The following FRS2 variants were observed in gnomAD, a reference collection of about 807,000 sequenced individuals.
The protein encoded by FRS2 is fibroblast growth factor receptor substrate 2.
In FRS2, 8 loss-of-function variants were observed where a neutral mutation model predicts 43.9. That is an observed-to-expected ratio of 0.18 (90% CI 0.11 to 0.33). The LOEUF (loss-of-function observed/expected upper bound fraction) is 0.33. FRS2 is among the 10% of genes least tolerant of loss of function. FRS2 has a pLI of 1.00. For synonymous variants in FRS2, 219 were observed against 220.3 expected (o/e 0.99, Z 0.05); for missense variants, 534 against 627.6 (o/e 0.85, Z 1.59).
In FRS2 at chr12:69,575,802, G is replaced by GT. The variant is rs200103820; in HGVS notation, c.*854dup. 1,100 of 152,620 alleles carry GT rather than the reference G, an allele frequency of 7.2e-3. 2 individuals carry two copies. Among genetic ancestry groups the GT allele is most frequent in the Middle Eastern group, 0.017 (5 of 294 alleles). 9.5% of individuals were successfully genotyped at this position (152,620 alleles called of 1,614,324 possible). ...GCCATTAGGTTTCCATTTATCTTCAGTTTTTTTCTTTGGTGTTTGGGATGT... is the reference window on the plus strand; with the variant it reads ...GCCATTAGGTTTCCATTTATCTTCAGTTTTTTTTCTTTGGTGTTTGGGATGT... On this transcript the variant is annotated 3_prime_UTR_variant, in exon 9 of 9. Transcript: ENST00000549921.
intron 3 of FRS2, chr12:69,557,880 C>T (rs545597200): frequency 6.6e-6 from 1 of 152,192 alleles, no homozygotes; most frequent in South Asian, 2.1e-4. Context: ...TTTGTATCAT[C>T]TTCCATTTTA....
chr12:69,573,966 T>G (rs754764830), intron 8 of FRS2, 39 bp from the exon 9 acceptor site: 20 of 1,408,462 alleles, frequency 1.4e-5, no homozygotes, highest in Non-Finnish European at 1.9e-5. Flanking sequence ...TTTTGTTTTT[T>G]TAAGTAAGTT....
At chr12:69,483,176 A>G (rs975592282) in intron 1 of FRS2, among the ~76,000 whole-genome samples, 1 of 152,184 alleles carries the variant, frequency 6.6e-6, no homozygotes, top group Non-Finnish European at 1.5e-5. Context: ...ATGAGACAAC[A>G]TACGGTATAC....
At chr12:69,507,031 C>G (rs1255880243) in intron 1 of FRS2, among the ~76,000 whole-genome samples, 1 of 152,202 alleles carries the variant, frequency 6.6e-6, no homozygotes, top group African/African-American at 2.4e-5. Context: ...CAGAGAGACC[C>G]CACCAGCCAA....
chr12:69,508,024 C>CAAAAAAAAAAAAAAAAAAAAAAAAAAA (rs11365179), intron 1 of FRS2, among the ~76,000 whole-genome samples: 1 of 47,582 alleles, frequency 2.1e-5, no homozygotes, highest in African/African-American at 7.3e-5. Context: ...AACCCCGTCT[C>CAAAAAAAAAAAAAAAAAAAAAAAAAAA]AAAAAAAAAA....
chr12:69,481,995 GTT>G (rs56727110), intron 1 of FRS2, among the ~76,000 whole-genome samples: 2 of 138,390 alleles, frequency 1.4e-5, no homozygotes, highest in African/African-American at 5.3e-5. Flanking sequence ...GTGTTTTATG[GTT>G]TTTTTTTTTT....
intron 1 of FRS2, among the ~76,000 whole-genome samples, chr12:69,518,906 T>A (rs1468241772): frequency 6.8e-6 from 1 of 147,528 alleles, no homozygotes; most frequent in Non-Finnish European, 1.5e-5. Context: ...CCCAGCTACT[T>A]GGGAGGCTGA....
chr12:69,517,744 T>C (rs900968786), intron 1 of FRS2, among the ~76,000 whole-genome samples: 3 of 152,206 alleles, frequency 2.0e-5, no homozygotes, highest in Non-Finnish European at 4.4e-5. Context: ...GTTATACATG[T>C]ATTAAGCTAA....
At chr12:69,522,897 C>T (rs1875830860) in intron 1 of FRS2, among the ~76,000 whole-genome samples, 2 of 152,110 alleles carry the variant, frequency 1.3e-5, no homozygotes, top group Non-Finnish European at 2.9e-5. Flanking sequence ...AGGTTTTGAG[C>T]AATTTTCTTA....
intron 1 of FRS2, among the ~76,000 whole-genome samples, chr12:69,522,969 T>C (rs1175920920): frequency 6.6e-6 from 1 of 152,248 alleles, no homozygotes; most frequent in East Asian, 1.9e-4. Flanking sequence ...ATTTTGGTTC[T>C]TTTGCATTTG....
intron 1 of FRS2, among the ~76,000 whole-genome samples, chr12:69,511,155 G>C (rs1179936143): frequency 6.6e-6 from 1 of 152,096 alleles, no homozygotes; most frequent in Non-Finnish European, 1.5e-5. Context: ...CAGTAAATTT[G>C]ATATTTGGCA....
intron 1 of FRS2, among the ~76,000 whole-genome samples, chr12:69,490,155 T>G (rs901336358): frequency 6.6e-6 from 1 of 152,140 alleles, no homozygotes; most frequent in Non-Finnish European, 1.5e-5. Context: ...AGAATATGCT[T>G]TCTTGTTTTA....
intron 1 of FRS2, among the ~76,000 whole-genome samples, chr12:69,483,161 T>C (rs188172422): frequency 1.3e-5 from 2 of 152,318 alleles, no homozygotes; most frequent in Non-Finnish European, 2.9e-5. Context: ...AATACATTAC[T>C]GTTAATGAGA....
intron 1 of FRS2, among the ~76,000 whole-genome samples, chr12:69,471,038 A>C (rs187256255): frequency 1.3e-5 from 2 of 152,064 alleles, no homozygotes; most frequent in African/African-American, 4.8e-5. Context: ...GATCTTTTGC[A>C]GGGCTTTTCA....
chr12:69,526,730 T>C (rs1565747931), intron 1 of FRS2, among the ~76,000 whole-genome samples: 2 of 151,608 alleles, frequency 1.3e-5, no homozygotes, highest in Non-Finnish European at 2.9e-5. Context: ...GTAGAAACTT[T>C]TTTTTTTTTT....
At chr12:69,572,317 T>A (rs750408379) in intron 8 of FRS2, 36 bp downstream of exon 8, 2 of 1,532,652 alleles carry the variant, frequency 1.3e-6, no homozygotes, top group South Asian at 1.1e-5. Context: ...CAATAATGAT[T>A]GTTCAGAGTT....
intron 1 of FRS2, among the ~76,000 whole-genome samples, chr12:69,493,172 G>T (rs1872609888): frequency 6.6e-6 from 1 of 152,050 alleles, no homozygotes; most frequent in Non-Finnish European, 1.5e-5. Context: ...TAAAATTGTT[G>T]GTTTAAAAAT....
chr12:69,500,412 G>T (rs1873338180), intron 1 of FRS2, among the ~76,000 whole-genome samples: 1 of 152,132 alleles, frequency 6.6e-6, no homozygotes, highest in African/African-American at 2.4e-5. Flanking sequence ...ATTGGCAGTG[G>T]GAATAGAGAG....
chr12:69,550,174 A>G (rs759806759), intron 3 of FRS2, among the ~76,000 whole-genome samples: 6 of 152,180 alleles, frequency 3.9e-5, no homozygotes, highest in Admixed American at 2.0e-4. Flanking sequence ...GGCTCAATGT[A>G]TGTACTGTCA....
Sources: gnomAD v4.1 joint callset for allele counts (sites outside exome capture counted in the v4.1 genomes callset) on GRCh38, gnomAD v4.1.1 for gene constraint, MANE v1.5 for transcripts, NCBI Gene and HGNC (gene_info 2026-07-23, HGNC 2026-07-21) for gene names.